COL4A4: variants seen among roughly 807,000 people sequenced by gnomAD.
The protein encoded by COL4A4 is collagen alpha-4(IV) chain.
In COL4A4, 105 loss-of-function variants were observed where a neutral mutation model predicts 192.9. The ratio of observed to expected loss-of-function variants is 0.54; its 90% CI spans 0.46 to 0.64. The LOEUF (loss-of-function observed/expected upper bound fraction) is 0.64. Among genes scored for constraint, COL4A4 ranks in the 30% least tolerant of loss-of-function variants. The pLI is 0.00. For missense variants in COL4A4, 1,967 were observed against 2,169.3 expected, an observed-to-expected ratio of 0.91 and a Z score of 1.85; for synonymous variants, 762 against 769.9, an observed-to-expected ratio of 0.99 and a Z score of 0.17.
chr2:227,164,207 C>A (rs2065101452), upstream of COL4A4: 1 of 155,016 alleles, frequency 6.5e-6, no homozygotes, highest in African/African-American at 2.4e-5. The surrounding 1 kb of genome is among the most constrained non-coding windows in gnomAD (Gnocchi z 4.8). Flanking sequence ...CTCCCGAGTG[C>A]AGACGCCCGG....
chr2:227,086,893 G>C (rs2059630705), intron 22 of COL4A4, among the ~76,000 whole-genome samples: 1 of 152,194 alleles, frequency 6.6e-6, no homozygotes, highest in Admixed American at 6.5e-5. Context: ...GCTTCCTATT[G>C]AGCAGAGGTG....
chr2:227,038,836 TCA>T lies in COL4A4; in HGVS notation c.3505+3310_3505+3311del, dbSNP rs1473836385. ...CAAAGTGTTTCTGCTGGAGTGTGGT[TCA>T]TTTTTATATCAGCATGATAAGCTGC... On this transcript the variant is annotated intron_variant, in intron 37 of 47. Coordinates refer to ENST00000396625, the MANE Select transcript of COL4A4 (RefSeq NM_000092.5). Among the ~76,000 whole-genome samples the T allele has an allele frequency of 4.6e-5, 7 of 152,240 alleles. No homozygotes were observed. In the South Asian group the frequency reaches 1.0e-3, roughly 23 times the overall value.
intron 25 of COL4A4, among the ~76,000 whole-genome samples, chr2:227,076,000 T>C (rs1308248860): frequency 6.6e-6 from 1 of 151,884 alleles, no homozygotes; most frequent in African/African-American, 2.4e-5. Flanking sequence ...CACAAACAAA[T>C]GGAAAAACAT....
chr2:227,080,697 A>G (rs1381439872), intron 23 of COL4A4, 148 bp from the exon 24 acceptor site: 1 of 684,392 alleles, frequency 1.5e-6, no homozygotes. Flanking sequence ...AAACATGCCA[A>G]AGCCAGAGGG....
At chr2:226,981,380 TAAAG>T in the COL4A4 span, among the ~76,000 whole-genome samples, 1 of 146,714 alleles carries the variant, frequency 6.8e-6, no homozygotes, top group Non-Finnish European at 1.5e-5. Context: ...AATAAATAAA[TAAAG>T]GAGCTCATTG....
chr2:227,031,073 A>ATGGATGGATGGATGGATG (rs1559452539), intron 40 of COL4A4, among the ~76,000 whole-genome samples: 75 of 56,032 alleles, frequency 1.3e-3, no homozygotes, highest in African/African-American at 6.4e-3. Context: ...ATGGATGGAT[A>ATGGATGGATGGATGGATG]GACTGATGGA....
chr2:227,104,414 C>CAAAAAAAAA (rs60259710), intron 12 of COL4A4, among the ~76,000 whole-genome samples: 2 of 96,872 alleles, frequency 2.1e-5, no homozygotes. Flanking sequence ...ACTAAAAATA[C>CAAAAAAAAA]AAAAAAAAAA....
chr2:227,076,761 A>G (rs1290472315), intron 25 of COL4A4, among the ~76,000 whole-genome samples: 2 of 152,246 alleles, frequency 1.3e-5, no homozygotes, highest in Non-Finnish European at 2.9e-5. Context: ...TCTAATATCC[A>G]GAATATACAA....
intron 25 of COL4A4, among the ~76,000 whole-genome samples, chr2:227,066,904 T>C (rs2058376052): frequency 6.6e-6 from 1 of 150,982 alleles, no homozygotes; most frequent in Non-Finnish European, 1.5e-5. Flanking sequence ...ATGCTCCAAT[T>C]AAAAGACACA....
At chr2:227,027,840 C>A (rs757669287) in intron 42 of COL4A4, 62 bp downstream of exon 42, 63 of 1,171,498 alleles carry the variant, frequency 5.4e-5, no homozygotes, top group Non-Finnish European at 7.5e-5. Flanking sequence ...TAACTACTTT[C>A]TGAACGATGA....
At chr2:226,995,175 A>G in the COL4A4 span, among the ~76,000 whole-genome samples, 1 of 152,372 alleles carries the variant, frequency 6.6e-6, no homozygotes, top group Admixed American at 6.5e-5. Flanking sequence ...GATGGAAGGA[A>G]AAATACAAGT....
At chr2:226,994,942 G>A in the COL4A4 span, among the ~76,000 whole-genome samples, 1 of 152,260 alleles carries the variant, frequency 6.6e-6, no homozygotes, top group African/African-American at 2.4e-5. Context: ...GGTTGCTTGT[G>A]TGTTTCAATC....
chr2:226,968,284 C>T, the COL4A4 span, among the ~76,000 whole-genome samples: 1 of 152,246 alleles, frequency 6.6e-6, no homozygotes, highest in Non-Finnish European at 1.5e-5. Context: ...GCTATTATTG[C>T]AAGGAAGTGC....
rs77944886 is a variant in COL4A4 at position 227,008,652 on chromosome 2, C to T, written c.4523-348G>A. Among the ~76,000 whole-genome samples the T allele has an allele frequency of 4.7e-4, 71 of 152,266 alleles. No homozygotes were observed. The East Asian group carries it at 0.01, about 22-fold the overall frequency. On this transcript the variant is annotated intron_variant, in intron 46 of 47. Transcript: ENST00000396625. ...CCTAAGAATGAGAAGTGTGGGGATC[C>T]GGGACCTCAAGGAAGGATAACTGGA...
At chr2:226,967,914 C>G in the COL4A4 span, among the ~76,000 whole-genome samples, 3,747 of 152,152 alleles carry the variant, frequency 0.025, 151 homozygotes, top group Admixed American at 0.11. Flanking sequence ...AACTCTGTAA[C>G]CTGTTGGTAG....
At chr2:227,142,290 T>A (rs1173941873) in intron 3 of COL4A4, among the ~76,000 whole-genome samples, 1 of 152,154 alleles carries the variant, frequency 6.6e-6, no homozygotes, top group Admixed American at 6.5e-5. Flanking sequence ...AAATTCATTT[T>A]AAAAGATAAA....
At chr2:227,009,848 C>G (rs940395372) in intron 46 of COL4A4, among the ~76,000 whole-genome samples, 1 of 152,072 alleles carries the variant, frequency 6.6e-6, no homozygotes, top group Admixed American at 6.5e-5. Flanking sequence ...AAATAAAGTT[C>G]TGTAATTTAA....
chr2:226,997,769 T>C (rs2149643246), downstream of COL4A4: 2 of 152,374 alleles, frequency 1.3e-5, no homozygotes, highest in Middle Eastern at 6.8e-3. Context: ...ATCTTAGTGA[T>C]GTGAGAAAGG....
At chr2:227,055,884 A>G in intron 30 of COL4A4, 61 bp downstream of exon 30, 1 of 1,478,680 alleles carries the variant, frequency 6.8e-7, no homozygotes, top group Non-Finnish European at 9.4e-7. Context: ...TCCAGTCTTC[A>G]CTTGGCAGTG....
Sources: allele counts gnomAD v4.1 joint callset (sites outside exome capture counted in the v4.1 genomes callset), GRCh38; gene constraint gnomAD v4.1.1; non-coding constraint Gnocchi (gnomAD v3.1); transcripts MANE v1.5; gene names NCBI Gene and HGNC (gene_info 2026-07-23, HGNC 2026-07-21).